Variants in DCLK1 observed in about 807,000 individuals in gnomAD.
The protein encoded by DCLK1 is serine/threonine-protein kinase DCLK1.
In DCLK1, 16 loss-of-function variants were observed where a neutral mutation model predicts 86.2. The ratio of observed to expected loss-of-function variants is 0.19; its 90% CI spans 0.13 to 0.28. The LOEUF (loss-of-function observed/expected upper bound fraction) is 0.28, where lower values mean the gene tolerates loss of function less well. DCLK1 is among the 10% of genes least tolerant of loss of function. DCLK1 has a pLI of 1.00. For missense variants in DCLK1, 590 were observed against 940.2 expected, an observed-to-expected ratio of 0.63 and a Z score of 4.87; for synonymous variants, 369 against 370.5, an observed-to-expected ratio of 1.00 and a Z score of 0.05.
At chr13:35,789,555 T>G (rs761098081) in intron 16 of DCLK1, among the ~76,000 whole-genome samples, 9 of 152,326 alleles carry the variant, frequency 5.9e-5, no homozygotes, top group Non-Finnish European at 1.5e-5. Flanking sequence ...ATTTTAGAAC[T>G]AAGCTTCCCA....
chr13:35,994,969 A>G (rs1880407948), intron 3 of DCLK1, among the ~76,000 whole-genome samples: 1 of 152,258 alleles, frequency 6.6e-6, no homozygotes, highest in Non-Finnish European at 1.5e-5. Context: ...TCAAAAGCAT[A>G]CAGGTTGGAA....
chr13:35,878,381 C>G (rs1872703640), intron 4 of DCLK1, among the ~76,000 whole-genome samples: 1 of 152,066 alleles, frequency 6.6e-6, no homozygotes, highest in Non-Finnish European at 1.5e-5. Context: ...AACCCTGACA[C>G]CATGGTAAGA....
At chr13:35,929,165 G>A (rs991896679) in intron 4 of DCLK1, among the ~76,000 whole-genome samples, 5 of 152,266 alleles carry the variant, frequency 3.3e-5, no homozygotes, top group South Asian at 4.1e-4. Flanking sequence ...TCCTGACCCC[G>A]TGATCCACCT....
chr13:36,001,349 A>G, intron 3 of DCLK1, among the ~76,000 whole-genome samples: 1 of 152,242 alleles, frequency 6.6e-6, no homozygotes, highest in Non-Finnish European at 1.5e-5. Flanking sequence ...TAATTCTTTC[A>G]GCAACATCAA....
chr13:36,100,960 C>T (rs193008978), intron 3 of DCLK1, among the ~76,000 whole-genome samples: 1 of 152,302 alleles, frequency 6.6e-6, no homozygotes, highest in Admixed American at 6.5e-5. Context: ...AGTTACCCCT[C>T]CATTCCTGCA....
chr13:35,882,102 T>G (rs1168517379), intron 4 of DCLK1, among the ~76,000 whole-genome samples: 1 of 152,162 alleles, frequency 6.6e-6, no homozygotes, highest in African/African-American at 2.4e-5. Context: ...GAAATCAAGG[T>G]GTTGGCAGGT....
intron 10 of DCLK1, among the ~76,000 whole-genome samples, chr13:35,825,669 G>A (rs2087503294): frequency 1.3e-5 from 2 of 152,244 alleles, no homozygotes; most frequent in Non-Finnish European, 2.9e-5. Flanking sequence ...GAAGTTGTTA[G>A]TTTAAAAATT....
chr13:35,787,047 C>T (rs1248210521), intron 16 of DCLK1, among the ~76,000 whole-genome samples: 1 of 150,700 alleles, frequency 6.6e-6, no homozygotes, highest in Non-Finnish European at 1.5e-5. Flanking sequence ...AGAAAAATAA[C>T]CAGGAGTAAC....
At chr13:36,033,832 G>A (rs565297569) in intron 3 of DCLK1, among the ~76,000 whole-genome samples, 2 of 152,338 alleles carry the variant, frequency 1.3e-5, no homozygotes, top group South Asian at 4.1e-4. Flanking sequence ...GGCTGAGGCA[G>A]GAGAATCACT....
At chr13:35,847,838 A>T in intron 6 of DCLK1, 1 of 985,230 alleles carries the variant, frequency 1.0e-6, no homozygotes. Context: ...CAGATGAGAG[A>T]ACCTGACACT....
At position 36,116,239 on chromosome 13, in the gene DCLK1, C is replaced by T. The variant is rs145263087; in HGVS notation, c.377-4024G>A. The stretch of plus-strand genomic sequence containing the variant: ...TGCTGGGATTATAGGCGTGAGCCAC[C>T]GCGACTGGCCTGTATTTTTAAATGA... On this transcript the variant is annotated intron_variant, in intron 2 of 16. Coordinates refer to ENST00000360631, the MANE Select transcript of DCLK1 (RefSeq NM_001330071.2). Among the ~76,000 whole-genome samples, 255 of 152,210 alleles carry T rather than the reference C, an allele frequency of 1.7e-3. 1 individual carries two copies. The highest frequency in any genetic ancestry group is 5.6e-3 in the African/African-American group (232 of 41,528).
chr13:35,799,881 C>T (rs1169287618), intron 15 of DCLK1, among the ~76,000 whole-genome samples: 1 of 152,064 alleles, frequency 6.6e-6, no homozygotes, highest in East Asian at 1.9e-4. Context: ...ATATTATTGC[C>T]TATTTTATTC....
intron 8 of DCLK1, 56 bp from the exon 9 acceptor site, chr13:35,828,363 T>C: frequency 2.1e-6 from 3 of 1,448,144 alleles, no homozygotes; most frequent in South Asian, 1.2e-5. Context: ...ATCTATTGAA[T>C]TATTTTGTCA....
intron 5 of DCLK1, chr13:35,869,246 T>G (rs1455937140): frequency 2.4e-6 from 1 of 408,440 alleles, no homozygotes; most frequent in Non-Finnish European, 5.0e-6. Flanking sequence ...TGTCATTCTG[T>G]GGAGGTCCTC....
intron 11 of DCLK1, among the ~76,000 whole-genome samples, chr13:35,815,875 A>G (rs1285673367): frequency 2.6e-5 from 4 of 152,214 alleles, no homozygotes; most frequent in Admixed American, 2.6e-4. Flanking sequence ...ATGAAATAAT[A>G]AAAATAATGA....
chr13:35,849,971 T>G (rs1437276493), intron 6 of DCLK1: 1 of 963,062 alleles, frequency 1.0e-6, no homozygotes, highest in Non-Finnish European at 1.2e-6. Flanking sequence ...GGCCAAGTTC[T>G]TCATATTGGC....
At chr13:35,959,253 G>A (rs1192824097) in intron 3 of DCLK1, among the ~76,000 whole-genome samples, 1 of 152,090 alleles carries the variant, frequency 6.6e-6, no homozygotes, top group Non-Finnish European at 1.5e-5. Context: ...CATGGGGCTG[G>A]TTTCCATCTC....
chr13:36,000,645 C>T (rs1411817875), intron 3 of DCLK1, among the ~76,000 whole-genome samples: 2 of 152,016 alleles, frequency 1.3e-5, no homozygotes. Context: ...ATTTGAAATG[C>T]CTTATTGGGG....
intron 3 of DCLK1, among the ~76,000 whole-genome samples, chr13:36,092,728 C>T (rs1456943264): frequency 6.6e-6 from 1 of 151,722 alleles, no homozygotes; most frequent in Non-Finnish European, 1.5e-5. Context: ...CCTCGTGATC[C>T]GCCCGCCTCG....
Sources: allele counts gnomAD v4.1 joint callset (sites outside exome capture counted in the v4.1 genomes callset), GRCh38; gene constraint gnomAD v4.1.1; transcripts MANE v1.5; gene names NCBI Gene and HGNC (gene_info 2026-07-23, HGNC 2026-07-21).